Variants in SEMA6D observed in about 807,000 individuals in gnomAD.
SEMA6D encodes the protein semaphorin 6D, also known as semaphorin-6D.
Under a neutral mutation model 106.6 loss-of-function variants are expected in SEMA6D, and 35 were observed. The ratio of observed to expected loss-of-function variants is 0.33; its 90% confidence interval spans 0.25 to 0.44. SEMA6D has a LOEUF of 0.44. Ranked by LOEUF, SEMA6D falls within the 20% of genes least tolerant of loss-of-function variation. SEMA6D has a pLI of 1.00. For synonymous variants in SEMA6D, 499 were observed against 487.7 expected (o/e 1.02, Z -0.31); for missense variants, 1,185 against 1,345.9 (o/e 0.88, Z 1.87).
At position 47,730,401 on chromosome 15, in the gene SEMA6D, A is replaced by G. The variant is rs2080039701; in HGVS notation, c.-55+12709A>G. The G allele has an allele frequency of 6.3e-6, 9 of 1,435,452 alleles. No homozygotes were observed. The East Asian group carries it at 9.2e-5, about 15-fold the overall frequency. The allele number at this position is 1,435,452 out of a possible 1,614,324, so 88.9% of individuals were successfully genotyped here. A position where few individuals can be genotyped will look rare whatever the true frequency, so the allele number is the denominator to read the frequency against. Reference sequence around the variant, plus strand: ...CTTGCCTTCCCCTTGATAATGCAGTAAGGGACCCCCATTTTACGACACAGG... The same window carrying G: ...CTTGCCTTCCCCTTGATAATGCAGTGAGGGACCCCCATTTTACGACACAGG... On this transcript the variant is annotated intron_variant, in intron 1 of 18. Coordinates refer to ENST00000536845, the MANE Select transcript of SEMA6D (RefSeq NM_001358351.3).
intron 2 of SEMA6D, among the ~76,000 whole-genome samples, chr15:47,451,879 A>C (rs758995369): frequency 8.5e-5 from 13 of 152,152 alleles, no homozygotes; most frequent in Middle Eastern, 6.8e-3. Context: ...TGGACATTGA[A>C]TGGTACATTA....
chr15:47,729,444 C>G (rs552734646), intron 1 of SEMA6D, among the ~76,000 whole-genome samples: 3 of 152,146 alleles, frequency 2.0e-5, no homozygotes, highest in African/African-American at 7.2e-5. Context: ...GCCAAGGGAC[C>G]ACTTTGGAGG....
chr15:47,408,460 T>C (rs1486894159), intron 1 of SEMA6D, among the ~76,000 whole-genome samples: 1 of 152,210 alleles, frequency 6.6e-6, no homozygotes, highest in Admixed American at 6.5e-5. Context: ...TCCTTCTATA[T>C]CACACTATCC....
intron 3 of SEMA6D, among the ~76,000 whole-genome samples, chr15:47,582,576 G>A (rs1188912045): frequency 6.6e-6 from 1 of 152,080 alleles, no homozygotes. Flanking sequence ...GGAGCAGGTG[G>A]CCCTGTGTGC....
chr15:47,356,318 C>T (rs1331029084), intron 1 of SEMA6D, among the ~76,000 whole-genome samples: 1 of 152,170 alleles, frequency 6.6e-6, no homozygotes, highest in Non-Finnish European at 1.5e-5. Context: ...GCTCTCCTGT[C>T]TCCAGAAAAG....
chr15:47,302,001 C>T (rs1029771283), intron 1 of SEMA6D, among the ~76,000 whole-genome samples: 1 of 152,136 alleles, frequency 6.6e-6, no homozygotes, highest in African/African-American at 2.4e-5. Flanking sequence ...AGTTGACAAT[C>T]ACAAAAACAG....
chr15:47,333,853 GTT>G (rs1182553970), intron 1 of SEMA6D, among the ~76,000 whole-genome samples: 1 of 152,194 alleles, frequency 6.6e-6, no homozygotes, highest in African/African-American at 2.4e-5. Flanking sequence ...TTGTTATAAT[GTT>G]GTGGTATGCG....
intron 1 of SEMA6D, among the ~76,000 whole-genome samples, chr15:47,290,615 A>C (rs968078557): frequency 1.4e-5 from 1 of 73,296 alleles, no homozygotes. Context: ...CATCAATTTA[A>C]TTATATATAT....
chr15:47,388,417 G>A (rs1162092379), intron 1 of SEMA6D, among the ~76,000 whole-genome samples: 2 of 152,084 alleles, frequency 1.3e-5, no homozygotes, highest in South Asian at 2.1e-4. Context: ...TAAATCTTGT[G>A]CCCTTCTGGG....
intron 1 of SEMA6D, among the ~76,000 whole-genome samples, chr15:47,213,965 A>T (rs2030312939): frequency 6.6e-6 from 1 of 152,058 alleles, no homozygotes; most frequent in South Asian, 2.1e-4. Flanking sequence ...GCTCACTTGA[A>T]TGAGAAAGGT....
intron 1 of SEMA6D, among the ~76,000 whole-genome samples, chr15:47,327,141 A>G (rs1450931095): frequency 6.6e-6 from 1 of 152,184 alleles, no homozygotes; most frequent in Non-Finnish European, 1.5e-5. Context: ...CTGGGCCAGC[A>G]TCCTGGCTTC....
chr15:47,553,551 C>T (rs1055426896), intron 3 of SEMA6D, among the ~76,000 whole-genome samples: 7 of 152,116 alleles, frequency 4.6e-5, no homozygotes, highest in South Asian at 2.1e-4. Flanking sequence ...ATGTATTGTA[C>T]CAGTGAATAT....
chr15:47,547,843 A>G (rs896659130), intron 3 of SEMA6D, among the ~76,000 whole-genome samples: 2 of 152,210 alleles, frequency 1.3e-5, no homozygotes, highest in African/African-American at 4.8e-5. Flanking sequence ...GTCAAGTTGC[A>G]GCTCACTGTG....
intron 1 of SEMA6D, among the ~76,000 whole-genome samples, chr15:47,235,301 CTGA>C (rs1235073655): frequency 1.3e-5 from 2 of 151,876 alleles, no homozygotes; most frequent in African/African-American, 4.8e-5. Context: ...TCTGTTTACT[CTGA>C]TGATTTTTTT....
At chr15:47,428,696 C>T (rs534879202) in intron 2 of SEMA6D, among the ~76,000 whole-genome samples, 8 of 151,938 alleles carry the variant, frequency 5.3e-5, no homozygotes, top group African/African-American at 1.9e-4. Flanking sequence ...GTCACTTGAA[C>T]CTGGGAGGTG....
chr15:47,380,164 A>G (rs2039588724), intron 1 of SEMA6D, among the ~76,000 whole-genome samples: 2 of 152,256 alleles, frequency 1.3e-5, no homozygotes, highest in Non-Finnish European at 2.9e-5. Context: ...GAAAAAAGGA[A>G]TTACAAAATA....
chr15:47,308,549 G>T (rs1233220952), intron 1 of SEMA6D, among the ~76,000 whole-genome samples: 1 of 152,096 alleles, frequency 6.6e-6, no homozygotes, highest in Non-Finnish European at 1.5e-5. Context: ...AACGAATCCC[G>T]TAAGACACAG....
chr15:47,524,832 G>A (rs2044700575), intron 3 of SEMA6D, among the ~76,000 whole-genome samples: 1 of 152,070 alleles, frequency 6.6e-6, no homozygotes, highest in South Asian at 2.1e-4. Flanking sequence ...GAATGTTAGG[G>A]CCCTTCCTGA....
At chr15:47,282,044 A>G (rs2035148474) in intron 1 of SEMA6D, among the ~76,000 whole-genome samples, 1 of 152,162 alleles carries the variant, frequency 6.6e-6, no homozygotes, top group South Asian at 2.1e-4. Flanking sequence ...AAGAGTAATA[A>G]TTGTCCTTAT....
Sources: allele counts gnomAD v4.1 joint callset (sites outside exome capture counted in the v4.1 genomes callset), GRCh38; gene constraint gnomAD v4.1.1; transcripts MANE v1.5; gene names NCBI Gene and HGNC (gene_info 2026-07-23, HGNC 2026-07-21).